Variants in NRXN3 observed in about 807,000 individuals in gnomAD.
NRXN3 encodes neurexin 3.
In NRXN3, 32 loss-of-function variants were observed where a neutral mutation model predicts 137.6. The ratio of observed to expected loss-of-function variants is 0.23; its 90% confidence interval spans 0.18 to 0.31. NRXN3 has a LOEUF of 0.31. Among genes scored for constraint, NRXN3 ranks in the 10% least tolerant of loss-of-function variants. The pLI is 1.00. For synonymous variants in NRXN3, 798 were observed against 784.5 expected, an observed-to-expected ratio of 1.02 and a Z score of -0.29; for missense variants, 1,574 against 2,062.5, an observed-to-expected ratio of 0.76 and a Z score of 4.59.
intron 15 of NRXN3, among the ~76,000 whole-genome samples, chr14:79,253,586 T>C (rs953310394): frequency 1.3e-5 from 2 of 152,182 alleles, no homozygotes; most frequent in African/African-American, 4.8e-5. Context: ...AGAAAAGAGG[T>C]TTAATTGACT....
intron 4 of NRXN3, among the ~76,000 whole-genome samples, chr14:78,434,792 G>T (rs958653950): frequency 6.6e-6 from 1 of 152,176 alleles, no homozygotes; most frequent in Non-Finnish European, 1.5e-5. Context: ...TCAATGGGTT[G>T]CAAGTGAACA....
At chr14:79,178,676 T>C (rs1388585224) in intron 15 of NRXN3, among the ~76,000 whole-genome samples, 1 of 152,230 alleles carries the variant, frequency 6.6e-6, no homozygotes, top group Non-Finnish European at 1.5e-5. Context: ...TTTTGGGGGA[T>C]AGATTAAAAA....
intron 15 of NRXN3, among the ~76,000 whole-genome samples, chr14:79,174,518 T>TATATATAC (rs766756150): frequency 9.5e-4 from 141 of 148,514 alleles, no homozygotes; most frequent in East Asian, 3.7e-3. Context: ...TATATATATA[T>TATATATAC]ACACACACAT....
At chr14:78,842,244 G>T (rs573788605) in intron 10 of NRXN3, among the ~76,000 whole-genome samples, 1 of 152,124 alleles carries the variant, frequency 6.6e-6, no homozygotes, top group African/African-American at 2.4e-5. Context: ...TTTCACATAG[G>T]TTCTTTTCTA....
chr14:79,174,319 C>T (rs2062081185), intron 15 of NRXN3, among the ~76,000 whole-genome samples: 1 of 152,012 alleles, frequency 6.6e-6, no homozygotes, highest in African/African-American at 2.4e-5. Flanking sequence ...GATGCCCAAC[C>T]TCCTTCATCG....
chr14:79,471,690 G>A (rs1488286111), intron 16 of NRXN3, among the ~76,000 whole-genome samples: 1 of 152,154 alleles, frequency 6.6e-6, no homozygotes, highest in Non-Finnish European at 1.5e-5. Context: ...TGGCTAGTTT[G>A]GGGATGTGCA....
chr14:79,591,434 T>G (rs2097802348), intron 16 of NRXN3, among the ~76,000 whole-genome samples: 2 of 152,226 alleles, frequency 1.3e-5, no homozygotes, highest in African/African-American at 4.8e-5. Context: ...ATTTTCTATC[T>G]TGGTCCACAA....
intron 1 of NRXN3, among the ~76,000 whole-genome samples, chr14:78,174,242 C>T (rs192128599): frequency 2.4e-4 from 37 of 152,208 alleles, no homozygotes; most frequent in Admixed American, 2.0e-3. Context: ...CAGAGTCTGA[C>T]GGGGTTACCT....
chr14:78,269,523 G>T (rs982741506), intron 2 of NRXN3, among the ~76,000 whole-genome samples: 28 of 152,102 alleles, frequency 1.8e-4, no homozygotes, highest in African/African-American at 6.8e-4. Context: ...CAACGGTGGT[G>T]GTTGTACAAC....
intron 8 of NRXN3, among the ~76,000 whole-genome samples, chr14:78,750,016 C>T (rs190834615): frequency 6.6e-6 from 1 of 152,286 alleles, no homozygotes; most frequent in East Asian, 1.9e-4. Flanking sequence ...CCTGGCTGAC[C>T]CTCAGTCTTT....
intron 20 of NRXN3, among the ~76,000 whole-genome samples, chr14:79,814,575 A>T (rs1221049171): frequency 6.6e-6 from 1 of 152,258 alleles, no homozygotes; most frequent in East Asian, 1.9e-4. Context: ...CTGATCAACG[A>T]CAATAAGAAA....
intron 17 of NRXN3, among the ~76,000 whole-genome samples, chr14:79,685,771 G>C (rs2098692175): frequency 6.6e-6 from 1 of 152,166 alleles, no homozygotes; most frequent in South Asian, 2.1e-4. Context: ...TGTAATTATT[G>C]CATCAAAGTA....
intron 4 of NRXN3, among the ~76,000 whole-genome samples, chr14:78,441,147 C>T (rs530374470): frequency 4.1e-4 from 63 of 152,264 alleles, no homozygotes; most frequent in African/African-American, 1.4e-3. Flanking sequence ...GATCAAGAAA[C>T]AGGAGCATGC....
intron 4 of NRXN3, among the ~76,000 whole-genome samples, chr14:78,580,145 T>C (rs2096978813): frequency 6.6e-6 from 1 of 152,130 alleles, no homozygotes; most frequent in Non-Finnish European, 1.5e-5. Context: ...TAATATTTCA[T>C]CTGTAATTTC....
At chr14:79,250,288 G>A (rs1239037904) in intron 15 of NRXN3, among the ~76,000 whole-genome samples, 1 of 152,106 alleles carries the variant, frequency 6.6e-6, no homozygotes, top group African/African-American at 2.4e-5. Flanking sequence ...GAAATATGAT[G>A]TAGGCTTTGG....
chr14:78,245,896 C>T (rs563478855), intron 2 of NRXN3, among the ~76,000 whole-genome samples: 24 of 152,176 alleles, frequency 1.6e-4, no homozygotes, highest in Admixed American at 2.6e-4. Flanking sequence ...GAGGCAACCC[C>T]AGTCTACAAA....
chr14:79,587,297 A>C (rs1012774877), intron 16 of NRXN3, among the ~76,000 whole-genome samples: 2 of 152,218 alleles, frequency 1.3e-5, no homozygotes, highest in Non-Finnish European at 2.9e-5. Context: ...TGCCACTATA[A>C]ATATAGTTTC....
intron 15 of NRXN3, among the ~76,000 whole-genome samples, chr14:79,267,276 G>T (rs796336367): frequency 1.1e-4 from 17 of 152,018 alleles, no homozygotes; most frequent in African/African-American, 3.9e-4. Context: ...GATAATTAAG[G>T]ATATAGAATT....
chr14:79,167,809 C>T (rs1045422599), intron 15 of NRXN3, among the ~76,000 whole-genome samples: 4 of 151,942 alleles, frequency 2.6e-5, no homozygotes, highest in Non-Finnish European at 4.4e-5. Context: ...GCCAAAAGCT[C>T]CCTCTTGCCC....
Sources: allele counts gnomAD v4.1 joint callset (sites outside exome capture counted in the v4.1 genomes callset), GRCh38; gene constraint gnomAD v4.1.1; transcripts MANE v1.5; gene names NCBI Gene and HGNC (gene_info 2026-07-23, HGNC 2026-07-21).